TEX2: variants seen among roughly 807,000 people sequenced by gnomAD.
TEX2 encodes the protein testis-expressed protein 2.
TEX2 carries 53 observed loss-of-function variants against 106.9 expected under a neutral mutation model. That is an observed-to-expected ratio of 0.50 (90% CI 0.40 to 0.62). The LOEUF is 0.62. TEX2 is among the 20% of genes least tolerant of loss of function. TEX2 has a pLI of 0.00. For synonymous variants in TEX2, 523 were observed against 534.8 expected (o/e 0.98, Z 0.30); for missense variants, 1,207 against 1,379.0 (o/e 0.88, Z 1.98).
At chr17:64,206,710 T>C (rs1598178214) in intron 2 of TEX2, among the ~76,000 whole-genome samples, 1 of 152,100 alleles carries the variant, frequency 6.6e-6, no homozygotes, top group East Asian at 1.9e-4. Flanking sequence ...ATTACAGGCA[T>C]GCCCCACCAC....
chr17:64,236,935 G>C (rs782703420), intron 1 of TEX2, among the ~76,000 whole-genome samples: 2 of 152,136 alleles, frequency 1.3e-5, no homozygotes, highest in African/African-American at 4.8e-5. Flanking sequence ...TGAATATTCC[G>C]GACTTACTTG....
Position 64,211,703 on chromosome 17 carries a change from T to C in TEX2, c.1644+871A>G, listed in dbSNP as rs189315528. Among the ~76,000 whole-genome samples, 5 of 151,382 alleles carry C rather than the reference T, an allele frequency of 3.3e-5. No individual in the cohort carries two copies. In the East Asian group the frequency reaches 5.8e-4, roughly 18 times the overall value. ...GAAACATTCATCGATTTTGGTATCC[T>C]TGGGGGGGGTCCTGAAACCAATGCC... On this transcript the variant is annotated intron_variant, in intron 2 of 11. Coordinates refer to ENST00000584379, the MANE Select transcript of TEX2 (RefSeq NM_001288732.2).
intron 6 of TEX2, among the ~76,000 whole-genome samples, chr17:64,175,170 G>A (rs1020972474): frequency 1.1e-4 from 17 of 152,210 alleles, no homozygotes; most frequent in African/African-American, 3.9e-4. Flanking sequence ...TTTTCGTAGG[G>A]GCGGTGACAG....
intron 4 of TEX2, among the ~76,000 whole-genome samples, chr17:64,189,794 C>T (rs1383869573): frequency 6.6e-6 from 1 of 151,866 alleles, no homozygotes; most frequent in Non-Finnish European, 1.5e-5. Context: ...CCAGCCTGGC[C>T]GACATGATGA....
intron 1 of TEX2, among the ~76,000 whole-genome samples, chr17:64,243,813 T>A (rs2143426803): frequency 6.6e-6 from 1 of 151,064 alleles, no homozygotes; most frequent in East Asian, 1.9e-4. Flanking sequence ...CACCACTTTT[T>A]TTTTTTTTTT....
intron 2 of TEX2, among the ~76,000 whole-genome samples, chr17:64,208,293 C>T (rs782521580): frequency 4.0e-5 from 6 of 151,890 alleles, no homozygotes; most frequent in African/African-American, 7.3e-5. Flanking sequence ...GGCTGGAGTG[C>T]GGTGGCATGA....
chr17:64,207,896 C>A (rs2032883833), intron 2 of TEX2, among the ~76,000 whole-genome samples: 1 of 152,266 alleles, frequency 6.6e-6, no homozygotes, highest in East Asian at 1.9e-4. Flanking sequence ...CCACCACGCC[C>A]AGCTAATTTT....
At chr17:64,259,664 G>A (rs1444937742) in intron 1 of TEX2, among the ~76,000 whole-genome samples, 4 of 152,294 alleles carry the variant, frequency 2.6e-5, no homozygotes, top group Non-Finnish European at 2.9e-5. Flanking sequence ...CAAATCTTAC[G>A]AGATGCTTCC....
chr17:64,160,748 G>A, intron 8 of TEX2, 53 bp downstream of exon 8: 1 of 1,601,888 alleles, frequency 6.2e-7, no homozygotes, highest in Non-Finnish European at 8.5e-7. Flanking sequence ...AAGGCTGGAG[G>A]GAGAAGCTGG....
At chr17:64,252,825 A>G (rs1555637180) in intron 1 of TEX2, among the ~76,000 whole-genome samples, 1 of 152,224 alleles carries the variant, frequency 6.6e-6, no homozygotes, top group Non-Finnish European at 1.5e-5. Flanking sequence ...TATCTACAAC[A>G]GAATATATAG....
intron 6 of TEX2, among the ~76,000 whole-genome samples, chr17:64,175,429 AG>A (rs756390367): frequency 2.6e-4 from 39 of 152,232 alleles, no homozygotes; most frequent in Non-Finnish European, 5.3e-4. Flanking sequence ...GTGAACTACC[AG>A]TGCCTCCATG....
At chr17:64,262,047 ACCTGGCT>A (rs1390812693) in intron 1 of TEX2, among the ~76,000 whole-genome samples, 1 of 152,188 alleles carries the variant, frequency 6.6e-6, no homozygotes, top group Non-Finnish European at 1.5e-5. Context: ...TCCAGCTTAC[ACCTGGCT>A]CCTGAAATGA....
chr17:64,204,106 A>G (rs1448446555), intron 2 of TEX2, among the ~76,000 whole-genome samples: 3 of 152,268 alleles, frequency 2.0e-5, no homozygotes, highest in Non-Finnish European at 4.4e-5. Flanking sequence ...TTAAAATTGT[A>G]AGATAAATAG....
chr17:64,197,447 T>C (rs1429176959), intron 2 of TEX2, among the ~76,000 whole-genome samples: 1 of 152,222 alleles, frequency 6.6e-6, no homozygotes, highest in Non-Finnish European at 1.5e-5. Context: ...TGAATATCTG[T>C]AGTGTCTATG....
At position 64,213,457 on chromosome 17, in the gene TEX2, C is replaced by T. The variant is rs782575004; in HGVS notation, c.761G>A (p.Arg254Gln). 2.6e-5 allele frequency: 42 copies of T among 1,613,992 alleles called. No homozygotes were observed. Among genetic ancestry groups the T allele is most frequent in the Non-Finnish European group, 3.1e-5 (37 of 1,180,038 alleles). Residue 254 changes from arginine to glutamine, a missense_variant, in exon 2 of 12, where the codon CGA becomes CAA. Physicochemically the swap from Arg to Gln is conservative, Grantham distance 43. Transcript: ENST00000584379. The surrounding 1 kb of genome is among the most constrained non-coding windows in gnomAD (Gnocchi z 4.4). The part of the protein sequence containing the change: ...LHLFKQFTQP[R>Q]NTGGDSKTAP... ...AGTTTTGGAATCTCCACCTGTGTTT[C>T]GGGGCTGTGTGAACTGCTTGAACAG...
At chr17:64,230,157 A>T in intron 1 of TEX2, among the ~76,000 whole-genome samples, 1 of 152,142 alleles carries the variant, frequency 6.6e-6, no homozygotes, top group Non-Finnish European at 1.5e-5. Context: ...GTGTGCACAC[A>T]TGTGTGTGTA....
intron 5 of TEX2, among the ~76,000 whole-genome samples, chr17:64,184,285 A>G (rs576706793): frequency 6.6e-6 from 1 of 151,488 alleles, no homozygotes; most frequent in Admixed American, 6.6e-5. Context: ...TCTTTTTTGT[A>G]GAGATGGAGT....
At chr17:64,256,045 G>A (rs1658352328) in intron 1 of TEX2, 1 of 152,262 alleles carries the variant, frequency 6.6e-6, no homozygotes, top group Non-Finnish European at 1.5e-5. Flanking sequence ...CCAGGTACGG[G>A]TGCTGAATGC....
rs1159623098 is a variant in TEX2, at chr17:64,147,472, TGCAA to T, written c.*1493_*1496del. The T allele has an allele frequency of 6.6e-6, 1 of 152,196 alleles. No homozygotes were observed. The highest frequency in any genetic ancestry group is 1.5e-5 in the Non-Finnish European group (1 of 68,034). The allele number at this position is 152,196 out of a possible 1,614,324, so 9.4% of individuals were successfully genotyped here. ...TTGAGATATTTATTTTGTGAAACAA[TGCAA>T]GCGATTTTAAATCCCCACATACTAT... On this transcript the variant is annotated 3_prime_UTR_variant, in exon 12 of 12. Transcript: ENST00000584379.
Sources: allele counts gnomAD v4.1 joint callset (sites outside exome capture counted in the v4.1 genomes callset), GRCh38; gene constraint gnomAD v4.1.1; non-coding constraint Gnocchi (gnomAD v3.1); transcripts MANE v1.5; gene names NCBI Gene and HGNC (gene_info 2026-07-23, HGNC 2026-07-21).